The following ELP3 variants were observed in gnomAD, a reference collection of about 807,000 sequenced individuals.
The protein encoded by ELP3 is elongator acetyltransferase complex subunit 3.
ELP3 carries 56 observed loss-of-function variants against 74.9 expected under a neutral mutation model. The observed-to-expected ratio is 0.75, with a 90% CI of 0.60 to 0.93. ELP3 has a LOEUF of 0.93. Among genes scored for constraint, ELP3 ranks in the 40% least tolerant of loss-of-function variants. The pLI is 0.00. For synonymous variants in ELP3, 222 were observed against 239.8 expected, an observed-to-expected ratio of 0.93 and a Z score of 0.68; for missense variants, 573 against 686.5, an observed-to-expected ratio of 0.83 and a Z score of 1.85.
intron 14 of ELP3, among the ~76,000 whole-genome samples, chr8:28,181,091 T>C (rs1242805493): frequency 1.3e-5 from 2 of 152,204 alleles, no homozygotes; most frequent in Non-Finnish European, 2.9e-5. Flanking sequence ...CATTTTCTCC[T>C]TATTATTGGC....
intron 3 of ELP3, among the ~76,000 whole-genome samples, chr8:28,100,505 A>G (rs2130355804): frequency 6.6e-6 from 1 of 152,366 alleles, no homozygotes; most frequent in Middle Eastern, 3.4e-3. Flanking sequence ...GGTAGAAATG[A>G]CAGGAAGGGC....
At chr8:28,121,324 AT>A (rs1179833962) in intron 7 of ELP3, among the ~76,000 whole-genome samples, 12 of 137,292 alleles carry the variant, frequency 8.7e-5, no homozygotes, top group Non-Finnish European at 1.2e-4. Context: ...TATTATTATT[AT>A]TTTTTTTTTT....
At chr8:28,145,780 C>T (rs1000084961) in intron 10 of ELP3, among the ~76,000 whole-genome samples, 6 of 152,284 alleles carry the variant, frequency 3.9e-5, no homozygotes, top group East Asian at 1.9e-4. Context: ...CCCATCACCG[C>T]GCCCAGCTAA....
At chr8:28,167,326 G>A (rs556523268) in intron 14 of ELP3, among the ~76,000 whole-genome samples, 3 of 152,266 alleles carry the variant, frequency 2.0e-5, no homozygotes, top group Non-Finnish European at 2.9e-5. Context: ...TTGTTTGCCA[G>A]AACCACTGAT....
At chr8:28,094,151 T>C (rs1811159330) in intron 1 of ELP3, among the ~76,000 whole-genome samples, 2 of 152,250 alleles carry the variant, frequency 1.3e-5, no homozygotes, top group South Asian at 4.1e-4. Flanking sequence ...AATTAATTTG[T>C]TATCTCACTC....
intron 3 of ELP3, among the ~76,000 whole-genome samples, chr8:28,103,350 A>G (rs542621890): frequency 2.6e-5 from 4 of 152,198 alleles, no homozygotes; most frequent in African/African-American, 4.8e-5. Context: ...AGCAATATGC[A>G]TTGAAGTCTG....
At chr8:28,166,259 A>T (rs1487772024) in intron 14 of ELP3, among the ~76,000 whole-genome samples, 2 of 152,228 alleles carry the variant, frequency 1.3e-5, no homozygotes, top group Non-Finnish European at 2.9e-5. Flanking sequence ...GCAGAGGAAG[A>T]TAAGTTTTCT....
intron 8 of ELP3, 146 bp downstream of exon 8, chr8:28,129,809 G>C (rs910080138): frequency 1.1e-6 from 1 of 945,238 alleles, no homozygotes; most frequent in Non-Finnish European, 1.6e-6. Flanking sequence ...TCTTCTGTCT[G>C]TGTTCTTAAT....
At chr8:28,159,394 T>G (rs971626680) in intron 12 of ELP3, among the ~76,000 whole-genome samples, 3 of 152,230 alleles carry the variant, frequency 2.0e-5, no homozygotes, top group African/African-American at 7.2e-5. Context: ...TGCCAGATTC[T>G]TGTGCTGTTC....
chr8:28,091,069 G>C (rs1811038958), upstream of ELP3, among the ~76,000 whole-genome samples: 1 of 151,932 alleles, frequency 6.6e-6, no homozygotes, highest in African/African-American at 2.4e-5. Flanking sequence ...ACCACGCCCG[G>C]CTAATTTTTT....
Position 28,147,970 on chromosome 8 carries a change from T to C in ELP3, c.1101-7972T>C, listed in dbSNP as rs1813494941. On this transcript the variant is annotated intron_variant, in intron 10 of 14. Transcript: ENST00000256398. This position sits in a 1 kb window ranked among gnomAD's most constrained non-coding sequence, Gnocchi z 4.5. ...TCAGCAACAAAATAAATAATGTTAA[T>C]ATTAGTTAAAAACTTGTATAAAATA... is the stretch of plus-strand genomic sequence containing the variant. Among the ~76,000 whole-genome samples the C allele has an allele frequency of 6.6e-6, 1 of 152,192 alleles. No individual in the cohort carries two copies. The highest frequency in any genetic ancestry group is 1.5e-5 in the Non-Finnish European group (1 of 68,042).
At chr8:28,114,577 A>G (rs974124099) in intron 7 of ELP3, among the ~76,000 whole-genome samples, 1 of 152,172 alleles carries the variant, frequency 6.6e-6, no homozygotes, top group Non-Finnish European at 1.5e-5. Context: ...CTTATCACCA[A>G]GGAGATGGTG....
intron 5 of ELP3, among the ~76,000 whole-genome samples, chr8:28,109,277 C>T (rs184372600): frequency 6.6e-6 from 1 of 152,276 alleles, no homozygotes; most frequent in East Asian, 1.9e-4. Context: ...AGGAGTCACC[C>T]TCCTCAGAAC....
intron 10 of ELP3, among the ~76,000 whole-genome samples, chr8:28,154,698 T>G (rs1813763083): frequency 6.6e-6 from 1 of 152,204 alleles, no homozygotes. Context: ...GTAGCCTTCA[T>G]TTAGCGTCAT....
chr8:28,155,816 T>A, intron 10 of ELP3, 126 bp from the exon 11 acceptor site: 2 of 652,716 alleles, frequency 3.1e-6, no homozygotes, highest in Non-Finnish European at 5.1e-6. Flanking sequence ...TCTGATTTCC[T>A]GGTCAGCTTC....
intron 14 of ELP3, among the ~76,000 whole-genome samples, chr8:28,179,950 T>A (rs899690034): frequency 6.6e-6 from 1 of 152,200 alleles, no homozygotes; most frequent in Non-Finnish European, 1.5e-5. Context: ...GTATCTATCT[T>A]CCCCTTATTT....
At chr8:28,149,385 TTTC>T (rs1360469576) in intron 10 of ELP3, among the ~76,000 whole-genome samples, 2 of 152,240 alleles carry the variant, frequency 1.3e-5, no homozygotes, top group Non-Finnish European at 2.9e-5. Context: ...AGATTGAGTA[TTTC>T]TTCTTGTGAG....
chr8:28,183,926 C>T (rs1379661386), intron 14 of ELP3, among the ~76,000 whole-genome samples: 3 of 152,194 alleles, frequency 2.0e-5, no homozygotes, highest in African/African-American at 7.2e-5. Context: ...CGGAGACGGT[C>T]CAGGCAGCCT....
intron 3 of ELP3, among the ~76,000 whole-genome samples, chr8:28,100,222 A>G (rs917262667): frequency 5.3e-5 from 8 of 152,252 alleles, no homozygotes; most frequent in African/African-American, 1.7e-4. Context: ...CTTGGTGACA[A>G]TCATAACAGG....
Sources: allele counts gnomAD v4.1 joint callset (sites outside exome capture counted in the v4.1 genomes callset), GRCh38; gene constraint gnomAD v4.1.1; non-coding constraint Gnocchi (gnomAD v3.1); transcripts MANE v1.5; gene names NCBI Gene and HGNC (gene_info 2026-07-23, HGNC 2026-07-21).